AFAP1L2: variants seen among roughly 807,000 people sequenced by gnomAD.
AFAP1L2 encodes actin filament associated protein 1 like 2, also known as actin filament-associated protein 1-like 2.
A neutral mutation model predicts 99.3 loss-of-function variants in AFAP1L2; 46 were observed. That is an observed-to-expected ratio of 0.46 (90% CI 0.37 to 0.59). The LOEUF (loss-of-function observed/expected upper bound fraction) is 0.59, where lower values mean the gene tolerates loss of function less well. Among genes scored for constraint, AFAP1L2 ranks in the 20% least tolerant of loss-of-function variants. The pLI is 0.00. For synonymous variants in AFAP1L2, 397 were observed against 419.1 expected (o/e 0.95, Z 0.64); for missense variants, 959 against 1,034.9 (o/e 0.93, Z 1.01).
At chr10:114,333,426 G>A in intron 2 of AFAP1L2, 131 bp from the exon 3 acceptor site, 2 of 679,738 alleles carry the variant, frequency 2.9e-6, no homozygotes, top group Admixed American at 2.6e-5. Flanking sequence ...ATTTTCAGTG[G>A]ATTGAAAGAA....
intron 1 of AFAP1L2, among the ~76,000 whole-genome samples, chr10:114,369,504 A>G (rs549128764): frequency 4.0e-3 from 608 of 150,404 alleles, no homozygotes; most frequent in African/African-American, 0.013. Flanking sequence ...CTGAGGCAGG[A>G]GAATGGCGTG....
At chr10:114,283,677 C>T in the AFAP1L2 span, among the ~76,000 whole-genome samples, 1 of 152,194 alleles carries the variant, frequency 6.6e-6, no homozygotes, top group Non-Finnish European at 1.5e-5. Context: ...TTTTATAGTT[C>T]CTACCTAAGG....
At chr10:114,395,871 A>T (rs1184842408) in intron 1 of AFAP1L2, among the ~76,000 whole-genome samples, 1 of 149,600 alleles carries the variant, frequency 6.7e-6, no homozygotes, top group Non-Finnish European at 1.5e-5. Flanking sequence ...CTTCTTAGGT[A>T]GACCAGCCAC....
At chr10:114,380,173 C>T (rs1169973876) in intron 1 of AFAP1L2, among the ~76,000 whole-genome samples, 1 of 152,218 alleles carries the variant, frequency 6.6e-6, no homozygotes, top group African/African-American at 2.4e-5. Flanking sequence ...GCTGTCCTCA[C>T]AAGACTCACC....
At chr10:114,289,575 A>C in the AFAP1L2 span, 1 of 1,466,226 alleles carries the variant, frequency 6.8e-7, no homozygotes, top group Non-Finnish European at 9.5e-7. Context: ...CGAGGATGGC[A>C]GCTCTTCCCA....
At chr10:114,330,903 G>A (rs2047137106) in intron 4 of AFAP1L2, among the ~76,000 whole-genome samples, 1 of 152,222 alleles carries the variant, frequency 6.6e-6, no homozygotes, top group Non-Finnish European at 1.5e-5. Flanking sequence ...TGGGTGGTGG[G>A]TAGATAGCAA....
chr10:114,291,243 A>C (rs1370105381), downstream of AFAP1L2: 1 of 1,550,214 alleles, frequency 6.5e-7, no homozygotes, highest in Non-Finnish European at 8.7e-7. Context: ...CCTGAGGCAC[A>C]TGGCTCCCGT....
chr10:114,307,471 C>T (rs148090240), intron 10 of AFAP1L2, among the ~76,000 whole-genome samples: 16 of 151,986 alleles, frequency 1.1e-4, no homozygotes, highest in African/African-American at 3.9e-4. Flanking sequence ...GCCTGCCATC[C>T]TTCTGCTTGG....
At chr10:114,366,712 A>G (rs1324352324) in intron 1 of AFAP1L2, among the ~76,000 whole-genome samples, 1 of 152,210 alleles carries the variant, frequency 6.6e-6, no homozygotes, top group African/African-American at 2.4e-5. Context: ...TCACGCCTGT[A>G]ATCCCAGCAC....
intron 1 of AFAP1L2, among the ~76,000 whole-genome samples, chr10:114,352,832 G>T (rs1455504995): frequency 6.6e-6 from 1 of 152,200 alleles, no homozygotes; most frequent in Admixed American, 6.5e-5. Flanking sequence ...CAGCCACAAG[G>T]GGCAATGTTC....
At chr10:114,387,739 G>A (rs57358042) in intron 1 of AFAP1L2, among the ~76,000 whole-genome samples, 2 of 152,294 alleles carry the variant, frequency 1.3e-5, no homozygotes, top group African/African-American at 2.4e-5. Context: ...TGCAACTTTC[G>A]AACAGTATTT....
Position 114,381,489 on chromosome 10 carries a change from C to T in AFAP1L2, c.16+22951G>A, listed in dbSNP as rs191510923. 2.9e-4 allele frequency among the ~76,000 whole-genome samples: 44 copies of T among 152,120 alleles called. 1 individual carries two copies. The East Asian group carries it at 6.0e-3, about 21-fold the overall frequency. On this transcript the variant is annotated intron_variant, in intron 1 of 18. Transcript: ENST00000304129. ...AACTGTGATGATGGTGGCCCATGTC[C>T]GTGAATATACCAAAAGCCATCAAAT...
Position 114,299,244 on chromosome 10 carries a change from C to A in AFAP1L2, c.2113+16G>T, listed in dbSNP as rs770859983. 6.2e-7 allele frequency: 1 copy of A among 1,613,540 alleles called. No homozygotes were observed. The highest frequency in any genetic ancestry group is 8.5e-7 in the Non-Finnish European group (1 of 1,179,836). On this transcript the variant is annotated intron_variant, in intron 16 of 18. Coordinates refer to ENST00000304129, the MANE Select transcript of AFAP1L2 (RefSeq NM_001001936.3). ...CCTCTGAGCTGAGGGTCCCTCCCCA[C>A]TGGGGGCCCCCTTACCTGTGCATTT...
chr10:114,334,464 G>A (rs2047647749), intron 2 of AFAP1L2, among the ~76,000 whole-genome samples: 1 of 152,212 alleles, frequency 6.6e-6, no homozygotes, highest in African/African-American at 2.4e-5. Flanking sequence ...TCTGGCGAAG[G>A]AAGCAGTTCA....
chr10:114,305,713 G>A (rs2042186625), intron 10 of AFAP1L2, among the ~76,000 whole-genome samples: 1 of 145,094 alleles, frequency 6.9e-6, no homozygotes, highest in Non-Finnish European at 1.5e-5. Context: ...GGCTGGAGGG[G>A]ACGGGGCTAC....
chr10:114,340,658 T>C lies in AFAP1L2; in HGVS notation c.90A>G (p.Ala30=). ...ILDQENLSST[A]LVKKSCLAEL... is the part of the protein sequence containing the mutation. Reference sequence around the variant, plus strand: ...CCGCCAGGCAGCTCTTCTTCACCAGTGCTGTGCTGCTCAGGTTCTCCTGGT... The same window carrying C: ...CCGCCAGGCAGCTCTTCTTCACCAGCGCTGTGCTGCTCAGGTTCTCCTGGT... Residue 30 remains alanine, a synonymous_variant, in exon 2 of 19, where the codon GCA becomes GCG. Transcript: ENST00000304129. 1 of 1,614,206 alleles carries C rather than the reference T, an allele frequency of 6.2e-7. No homozygotes were observed. The highest frequency in any genetic ancestry group is 8.5e-7 in the Non-Finnish European group (1 of 1,180,044).
chr10:114,347,265 C>T (rs1189086793), intron 1 of AFAP1L2, among the ~76,000 whole-genome samples: 5 of 152,180 alleles, frequency 3.3e-5, no homozygotes, highest in South Asian at 2.1e-4. Flanking sequence ...TGGAAAATGT[C>T]GAAGATCTTC....
intron 1 of AFAP1L2, among the ~76,000 whole-genome samples, chr10:114,363,971 C>A (rs1014401093): frequency 1.3e-5 from 2 of 152,144 alleles, no homozygotes; most frequent in Admixed American, 1.3e-4. Flanking sequence ...ATCCTAAAAG[C>A]CCATTCCTTT....
chr10:114,305,492 G>C (rs1165326568), intron 10 of AFAP1L2, among the ~76,000 whole-genome samples: 5 of 134,912 alleles, frequency 3.7e-5, no homozygotes, highest in Admixed American at 2.2e-4. Context: ...GGAGGGGACG[G>C]GGCTGCAGGA....
Sources: allele counts gnomAD v4.1 joint callset (sites outside exome capture counted in the v4.1 genomes callset), GRCh38; gene constraint gnomAD v4.1.1; transcripts MANE v1.5; gene names NCBI Gene and HGNC (gene_info 2026-07-23, HGNC 2026-07-21).